TAOK1: variants seen among roughly 807,000 people sequenced by gnomAD.
TAOK1 encodes the protein TAO kinase 1.
TAOK1 carries 21 observed loss-of-function variants against 138.3 expected under a neutral mutation model. That is an observed-to-expected ratio of 0.15 (90% confidence interval 0.11 to 0.22). The LOEUF (loss-of-function observed/expected upper bound fraction) is 0.22, where lower values mean the gene tolerates loss of function less well. Among genes scored for constraint, TAOK1 ranks in the 10% least tolerant of loss-of-function variants. The pLI is 1.00. For synonymous variants in TAOK1, 361 were observed against 398.4 expected, an observed-to-expected ratio of 0.91 and a Z score of 1.12; for missense variants, 651 against 1,227.7, an observed-to-expected ratio of 0.53 and a Z score of 7.02.
At chr17:29,466,883 T>C (rs1161358952) in intron 2 of TAOK1, among the ~76,000 whole-genome samples, 3 of 152,202 alleles carry the variant, frequency 2.0e-5, no homozygotes, top group African/African-American at 7.2e-5. Flanking sequence ...ACTACTCAAA[T>C]TTCTGTATTT....
At chr17:29,529,595 A>G (rs1354400432) in intron 17 of TAOK1, among the ~76,000 whole-genome samples, 1 of 151,996 alleles carries the variant, frequency 6.6e-6, no homozygotes, top group Non-Finnish European at 1.5e-5. Context: ...GGCCAGGTGC[A>G]GTGGTTCACG....
chr17:29,532,997 C>A (rs1212697547), intron 18 of TAOK1, among the ~76,000 whole-genome samples: 597 of 2,806 alleles, frequency 0.21, 44 homozygotes, highest in African/African-American at 0.41. Flanking sequence ...CTGACCCCCC[C>A]ACCTCCAACC....
chr17:29,478,079 T>C (rs2030984605), intron 5 of TAOK1, among the ~76,000 whole-genome samples, 172 bp from the exon 6 acceptor site: 1 of 152,168 alleles, frequency 6.6e-6, no homozygotes, highest in African/African-American at 2.4e-5. Context: ...GAACTGTACT[T>C]TAACAACTGA....
intron 11 of TAOK1, among the ~76,000 whole-genome samples, chr17:29,496,574 TA>T (rs1385080719): frequency 2.2e-5 from 3 of 136,032 alleles, no homozygotes; most frequent in Non-Finnish European, 4.7e-5. Context: ...TCATTCCATC[TA>T]CACCTTTTTT....
chr17:29,445,802 C>T (rs1381588966), intron 1 of TAOK1, among the ~76,000 whole-genome samples: 2 of 152,094 alleles, frequency 1.3e-5, no homozygotes, highest in Admixed American at 6.5e-5. Context: ...GTTCTGAAGC[C>T]ATCAATGTCA....
At chr17:29,397,689 A>ATGATACATGTATATATGTT (rs1904688394) in intron 1 of TAOK1, among the ~76,000 whole-genome samples, 1 of 84,022 alleles carries the variant, frequency 1.2e-5, no homozygotes, top group East Asian at 1.6e-3. Context: ...GTATACATGT[A>ATGATACATGTATATATGTT]TATTCATGTA....
chr17:29,534,449 C>A (rs1598528075), intron 19 of TAOK1, 149 bp downstream of exon 19: 1 of 703,940 alleles, frequency 1.4e-6, no homozygotes, highest in Non-Finnish European at 2.1e-6. Context: ...GCAGATTTTT[C>A]TTTAAAATTA....
At chr17:29,398,455 C>CT (rs1395065402) in intron 1 of TAOK1, among the ~76,000 whole-genome samples, 1 of 152,060 alleles carries the variant, frequency 6.6e-6, no homozygotes, top group Non-Finnish European at 1.5e-5. Flanking sequence ...GATCGCCTGC[C>CT]TTGGCCTCCC....
chr17:29,413,684 A>G (rs755346028), intron 1 of TAOK1, among the ~76,000 whole-genome samples: 8 of 152,126 alleles, frequency 5.3e-5, no homozygotes, highest in Non-Finnish European at 1.2e-4. Flanking sequence ...TAGCTACTGT[A>G]TGTATGTTCC....
intron 1 of TAOK1, among the ~76,000 whole-genome samples, chr17:29,418,366 T>A (rs772017906): frequency 6.6e-6 from 1 of 152,128 alleles, no homozygotes; most frequent in Non-Finnish European, 1.5e-5. Context: ...AAACTTTTTT[T>A]ATTTTTTATT....
At chr17:29,533,016 G>T (rs2032152110) in intron 18 of TAOK1, among the ~76,000 whole-genome samples, 1 of 117,240 alleles carries the variant, frequency 8.5e-6, no homozygotes. Flanking sequence ...CCGGGCGGGG[G>T]GCTGACCCCC....
chr17:29,462,220 G>A (rs1416499982), intron 2 of TAOK1, among the ~76,000 whole-genome samples: 2 of 152,146 alleles, frequency 1.3e-5, no homozygotes, highest in African/African-American at 4.8e-5. Flanking sequence ...AATTGAGTCA[G>A]CCAGCATGGC....
intron 19 of TAOK1, among the ~76,000 whole-genome samples, chr17:29,536,847 C>T (rs537125983): frequency 4.0e-5 from 6 of 151,598 alleles, no homozygotes. Context: ...CTACAGGTGC[C>T]CACCACCACA....
chr17:29,438,786 C>T (rs1477448764), intron 1 of TAOK1, among the ~76,000 whole-genome samples: 1 of 152,192 alleles, frequency 6.6e-6, no homozygotes, highest in East Asian at 1.9e-4. Flanking sequence ...ACAACAGTCC[C>T]ACCTCTTGAG....
intron 3 of TAOK1, among the ~76,000 whole-genome samples, chr17:29,471,446 T>A (rs532831236): frequency 6.6e-6 from 1 of 151,300 alleles, no homozygotes; most frequent in East Asian, 2.0e-4. Context: ...CCTGGCTAAT[T>A]TTTTGTATTT....
At chr17:29,538,110 CAAAA>C (rs752543117) in intron 19 of TAOK1, among the ~76,000 whole-genome samples, 4 of 65,368 alleles carry the variant, frequency 6.1e-5, no homozygotes, top group South Asian at 5.1e-4. Flanking sequence ...GACTCCATCT[CAAAA>C]AAAAAAAAAA....
At position 29,507,963 on chromosome 17, in the gene TAOK1, G is replaced by A. The variant is rs530436928; in HGVS notation, c.1406G>A (p.Arg469Gln). The A allele has an allele frequency of 6.2e-7, 1 of 1,614,042 alleles. No individual in the cohort carries two copies. The highest frequency in any genetic ancestry group is 1.1e-5 in the South Asian group (1 of 91,062). ...AGAGAACAAATGTCTGGCTATAAGC[G>A]AATGAGGCGACAACATCAAAAGCAA... ...ELREQMSGYK[R>Q]MRRQHQKQLM... is the part of the protein sequence containing the mutation. Residue 469 changes from arginine (R) to glutamine (Q), a missense_variant, in exon 14 of 20, where the codon CGA (arginine) becomes CAA (glutamine). Transcript: ENST00000261716.
chr17:29,428,317 G>A lies in TAOK1; in HGVS notation c.-94-23138G>A, dbSNP rs141341313. Among the ~76,000 whole-genome samples, 1,061 of 152,284 alleles carry A rather than the reference G, an allele frequency of 7.0e-3. 5 individuals carry two copies. Among genetic ancestry groups the A allele is most frequent in the Non-Finnish European group, 0.012 (806 of 68,026 alleles). On this transcript the variant is annotated intron_variant, in intron 1 of 19. Transcript: ENST00000261716. ...AATAAGACTAGAGATTGGAATGCTT[G>A]AGAGGTGTTTTGCTGTAGAACAGAC...
At chr17:29,447,876 G>A (rs1221559295) in intron 1 of TAOK1, among the ~76,000 whole-genome samples, 4 of 148,006 alleles carry the variant, frequency 2.7e-5, no homozygotes, top group Non-Finnish European at 5.9e-5. Flanking sequence ...GGCTGGTTTT[G>A]AACTTCTGAC....
Sources: allele counts gnomAD v4.1 joint callset (sites outside exome capture counted in the v4.1 genomes callset), GRCh38; gene constraint gnomAD v4.1.1; transcripts MANE v1.5; gene names NCBI Gene and HGNC (gene_info 2026-07-23, HGNC 2026-07-21).